The following CCDC62 variants were observed in gnomAD, a reference collection of about 807,000 sequenced individuals.
CCDC62 encodes the protein coiled-coil domain-containing protein 62.
A neutral mutation model predicts 80.8 loss-of-function variants in CCDC62; 72 were observed. The ratio of observed to expected loss-of-function variants is 0.89; its 90% CI spans 0.74 to 1.08. CCDC62 has a LOEUF of 1.08. CCDC62 is among the 50% of genes least tolerant of loss of function. CCDC62 has a pLI of 0.00. For missense variants in CCDC62, 704 were observed against 809.4 expected (o/e 0.87, Z 1.58); for synonymous variants, 286 against 296.5 (o/e 0.96, Z 0.36).
chr12:122,793,486 G>T (rs1158556584), intron 6 of CCDC62, among the ~76,000 whole-genome samples: 2 of 151,878 alleles, frequency 1.3e-5, no homozygotes, highest in Non-Finnish European at 2.9e-5. Context: ...GATACTGGGG[G>T]TAGGTAAGGA....
At chr12:122,779,580 GCT>G (rs1566067165) in intron 2 of CCDC62, among the ~76,000 whole-genome samples, 1 of 152,140 alleles carries the variant, frequency 6.6e-6, no homozygotes, top group African/African-American at 2.4e-5. Flanking sequence ...GAGAAGCAAG[GCT>G]CTCAAGAAAC....
rs186013659 is a variant in CCDC62, at chr12:122,827,515, C to A, written c.*1134C>A. 6.6e-6 allele frequency: 1 copy of A among 152,252 alleles called. No homozygotes were observed. The highest frequency in any genetic ancestry group is 1.9e-4 in the East Asian group (1 of 5,176). 9.4% of individuals were successfully genotyped at this position (152,252 alleles called of 1,614,324 possible). On this transcript the variant is annotated 3_prime_UTR_variant, in exon 13 of 13. Coordinates refer to ENST00000253079, the MANE Select transcript of CCDC62 (RefSeq NM_201435.5). ...GTTCTTTATCAATGCGTGCTTTCTCCCTCAGGCTGGGCTGTCTAGAGCAAA... is the reference window on the plus strand; with the variant it reads ...GTTCTTTATCAATGCGTGCTTTCTCACTCAGGCTGGGCTGTCTAGAGCAAA...
rs2031295663 is a variant in CCDC62, at chr12:122,801,364, A to G, written c.1218A>G (p.Lys406=). 6.2e-7 allele frequency: 1 copy of G among 1,614,228 alleles called. No homozygotes were observed. The highest frequency in any genetic ancestry group is 1.6e-4 in the Middle Eastern group (1 of 6,062). ...TATTCACCAAAGACTTAGTAGAGAA[A>G]CACAACCTCCCTTGGTCTCTGGGAG... ...SSIFTKDLVE[K]HNLPWSLGGK... Residue 406 remains lysine, a synonymous_variant, in exon 9 of 13, where the codon AAA becomes AAG. Coordinates refer to ENST00000253079, the MANE Select transcript of CCDC62 (RefSeq NM_201435.5).
Position 122,823,479 on chromosome 12 carries a change from C to A in CCDC62, c.*40+20C>A. The A allele has an allele frequency of 8.8e-7, 1 of 1,137,880 alleles. No homozygotes were observed. Among genetic ancestry groups the A allele is most frequent in the Non-Finnish European group, 1.3e-6 (1 of 747,946 alleles). 70.5% of individuals were successfully genotyped at this position (1,137,880 alleles called of 1,614,324 possible). ...TCACGAGTAAGTCACCTTTGCTTAT[C>A]TCACCTTATATCTCAATTAATATTT... On this transcript the variant is annotated intron_variant, in intron 12 of 12. Coordinates refer to ENST00000253079, the MANE Select transcript of CCDC62 (RefSeq NM_201435.5).
Position 122,797,983 on chromosome 12 carries a change from CTG to C in CCDC62, c.862-100_862-99del, listed in dbSNP as rs375445259. ...CATATTTCTCTAGTAACTATCTGAC[CTG>C]TTTTAGGATTTGTGAACTGTTTCAG... On this transcript the variant is annotated intron_variant, in intron 7 of 12. Transcript: ENST00000253079. 1.7e-3 allele frequency: 1,113 copies of C among 637,924 alleles called. 11 individuals carry two copies. The African/African-American group carries it at 0.018, about 11-fold the overall frequency. 39.5% of individuals were successfully genotyped at this position (637,924 alleles called of 1,614,324 possible).
chr12:122,788,729 G>A (rs745616112), intron 4 of CCDC62, 29 bp from the exon 5 acceptor site: 20 of 1,392,626 alleles, frequency 1.4e-5, no homozygotes, highest in Non-Finnish European at 1.1e-5. Flanking sequence ...TAAGAATCTA[G>A]GATAACCATT....
chr12:122,825,512 A>AT (rs2032582790), intron 12 of CCDC62, among the ~76,000 whole-genome samples: 1 of 16,456 alleles, frequency 6.1e-5, no homozygotes. Context: ...ATGCCCGGCT[A>AT]ATTTTTTTTT....
At chr12:122,811,593 G>A (rs1450289134) in intron 10 of CCDC62, among the ~76,000 whole-genome samples, 1 of 150,504 alleles carries the variant, frequency 6.6e-6, no homozygotes, top group African/African-American at 2.4e-5. Context: ...GCTAAGGAAG[G>A]GGGATCACCT....
Position 122,792,114 on chromosome 12 carries a change from T to C in CCDC62, c.765T>C (p.Leu255=). 6.3e-7 allele frequency: 1 copy of C among 1,596,180 alleles called. No individual in the cohort carries two copies. Among genetic ancestry groups the C allele is most frequent in the Non-Finnish European group, 8.6e-7 (1 of 1,163,722 alleles). ...AAAGTTGCCTGCACGATGAATTGCTTTTTACTGGTAAAACAGATGATCGAA... is the reference window on the plus strand; with the variant it reads ...AAAGTTGCCTGCACGATGAATTGCTCTTTACTGGTAAAACAGATGATCGAA... The part of the protein sequence containing the change: ...QEKSCLHDEL[L]FTVEREKRKD... Residue 255 remains leucine, a synonymous_variant, in exon 6 of 13, where the codon CTT becomes CTC. Coordinates refer to ENST00000253079, the MANE Select transcript of CCDC62 (RefSeq NM_201435.5).
rs1373961142 is a variant in CCDC62, at chr12:122,813,321, C to T, written c.1903C>T (p.Gln635Ter). The T allele has an allele frequency of 1.9e-6, 3 of 1,613,816 alleles. No individual in the cohort carries two copies. The highest frequency in any genetic ancestry group is 2.5e-6 in the Non-Finnish European group (3 of 1,179,928). ...QDDFSPTSKL[Q>*]RLLAESRQMV... Reference sequence around the variant, plus strand: ...TGATTTCTCGCCCACGAGCAAGCTCCAGCGTTTGCTGGCGGAATCTCGTCA... The same window carrying T: ...TGATTTCTCGCCCACGAGCAAGCTCTAGCGTTTGCTGGCGGAATCTCGTCA... The change falls in exon 11 of 13, where the codon CAG (glutamine) becomes TAG (stop). Residue 635 changes from glutamine to a stop codon, truncating the protein, a stop_gained. Coordinates refer to ENST00000253079, the MANE Select transcript of CCDC62 (RefSeq NM_201435.5). LOFTEE classifies it high-confidence loss of function.
chr12:122,784,081 A>T, intron 3 of CCDC62, among the ~76,000 whole-genome samples: 1 of 152,118 alleles, frequency 6.6e-6, no homozygotes, highest in South Asian at 2.1e-4. Context: ...CCCTGGTCAC[A>T]CGAATCTTTT....
At chr12:122,820,061 C>CAAAAAAAAAAAAAAAA (rs34620795) in intron 11 of CCDC62, among the ~76,000 whole-genome samples, 4 of 58,102 alleles carry the variant, frequency 6.9e-5, no homozygotes, top group Non-Finnish European at 8.5e-5. Context: ...GATCCTGTCT[C>CAAAAAAAAAAAAAAAA]AAAAAAAAAA....
intron 10 of CCDC62, among the ~76,000 whole-genome samples, chr12:122,810,636 GA>G (rs1352846428): frequency 6.6e-6 from 1 of 152,156 alleles, no homozygotes; most frequent in Non-Finnish European, 1.5e-5. Flanking sequence ...TCTAGAACTA[GA>G]AATACCATTT....
At chr12:122,809,206 C>G (rs143579638) in intron 10 of CCDC62, among the ~76,000 whole-genome samples, 171 of 152,396 alleles carry the variant, frequency 1.1e-3, no homozygotes, top group Admixed American at 2.1e-3. Flanking sequence ...ATCAGGCCAT[C>G]AGGCCGGGCG....
At chr12:122,797,834 C>T (rs2031054280) in intron 7 of CCDC62, among the ~76,000 whole-genome samples, 1 of 152,156 alleles carries the variant, frequency 6.6e-6, no homozygotes. Flanking sequence ...ACCAGCGCAC[C>T]CAGCCTGTAT....
At position 122,812,777 on chromosome 12, in the gene CCDC62, G is replaced by GAGACAGAAAGAAAGAA. The variant is rs750420995; in HGVS notation, c.1852-490_1852-489insCAGAAAGAAAGAAAGA. 3.3e-4 allele frequency among the ~76,000 whole-genome samples: 19 copies of GAGACAGAAAGAAAGAA among 57,784 alleles called. 1 individual carries two copies. Among genetic ancestry groups the GAGACAGAAAGAAAGAA allele is most frequent in the African/African-American group, 1.3e-3 (17 of 12,854 alleles). 37.9% of individuals were successfully genotyped at this position (57,784 alleles called of 152,430 possible). On this transcript the variant is annotated intron_variant, in intron 10 of 12. Transcript: ENST00000253079. Reference sequence around the variant, plus strand: ...GGAGGGAGAGAGAGAGAGAGAGAGAGAGAAAGAAAGAAAGAAAGAAAGAAA... The same window carrying GAGACAGAAAGAAAGAA: ...GGAGGGAGAGAGAGAGAGAGAGAGAGAGACAGAAAGAAAGAAAGAAAGAAAGAAAGAAAGAAAGAAA...
At chr12:122,814,301 AG>A (rs1285271542) in intron 11 of CCDC62, among the ~76,000 whole-genome samples, 360 of 8,208 alleles carry the variant, frequency 0.044, 5 homozygotes, top group African/African-American at 0.063. Context: ...AAAAAAAAAA[AG>A]AGAGAGAGAA....
chr12:122,819,641 C>T (rs968760120), intron 11 of CCDC62, among the ~76,000 whole-genome samples: 2 of 152,018 alleles, frequency 1.3e-5, no homozygotes, highest in African/African-American at 2.4e-5. Context: ...TCCACCCACA[C>T]GGTGGAGTTC....
chr12:122,777,737 G>A (rs760076248), intron 2 of CCDC62, 54 bp downstream of exon 2: 8 of 1,493,624 alleles, frequency 5.4e-6, no homozygotes, highest in East Asian at 2.3e-5. Flanking sequence ...CTAACACATT[G>A]ATGGGCTCAT....
Sources: gnomAD v4.1 joint callset for allele counts (sites outside exome capture counted in the v4.1 genomes callset) on GRCh38, gnomAD v4.1.1 for gene constraint, MANE v1.5 for transcripts, NCBI Gene and HGNC (gene_info 2026-07-23, HGNC 2026-07-21) for gene names.